The following NDC1 variants were observed in gnomAD, a reference collection of about 807,000 sequenced individuals.
NDC1 encodes NDC1 transmembrane nucleoporin, also known as nucleoporin NDC1.
In NDC1, 24 loss-of-function variants were observed where a neutral mutation model predicts 89.8. That is an observed-to-expected ratio of 0.27 (90% CI 0.19 to 0.38). The LOEUF (loss-of-function observed/expected upper bound fraction) is 0.38, where lower values mean the gene tolerates loss of function less well. NDC1 is among the 10% of genes least tolerant of loss of function. The pLI, the probability that NDC1 is intolerant of heterozygous loss-of-function variation, is 1.00. For synonymous variants in NDC1, 296 were observed against 284.8 expected, an observed-to-expected ratio of 1.04 and a Z score of -0.39; for missense variants, 728 against 797.6, an observed-to-expected ratio of 0.91 and a Z score of 1.05.
At chr1:53,780,207 G>C (rs1235040786) in intron 16 of NDC1, among the ~76,000 whole-genome samples, 5 of 152,086 alleles carry the variant, frequency 3.3e-5, no homozygotes, top group African/African-American at 1.2e-4. Flanking sequence ...CGAGTAGCTG[G>C]GATTACAAGC....
At chr1:53,803,187 C>T (rs1017293976) in intron 10 of NDC1, among the ~76,000 whole-genome samples, 20 of 152,034 alleles carry the variant, frequency 1.3e-4, no homozygotes, top group African/African-American at 4.8e-4. Flanking sequence ...CAGCTCAGCT[C>T]CTCAAGTAGC....
intron 1 of NDC1, among the ~76,000 whole-genome samples, 175 bp downstream of exon 1, chr1:53,838,030 T>C (rs1649296232): frequency 6.6e-6 from 1 of 152,142 alleles, no homozygotes; most frequent in Admixed American, 6.5e-5. Flanking sequence ...GTAACCAACT[T>C]CCACTCAGGA....
intron 6 of NDC1, 41 bp from the exon 7 acceptor site, chr1:53,809,787 T>C: frequency 6.5e-7 from 1 of 1,532,460 alleles, no homozygotes. Context: ...TAAAAAGTTA[T>C]AAAACAAGTT....
intron 16 of NDC1, among the ~76,000 whole-genome samples, chr1:53,782,887 G>C (rs1187610943): frequency 6.6e-6 from 1 of 152,144 alleles, no homozygotes; most frequent in African/African-American, 2.4e-5. Flanking sequence ...CTCACTGACA[G>C]ATCTTGTTAT....
intron 6 of NDC1, 76 bp from the exon 7 acceptor site, chr1:53,809,822 T>G (rs1648244457): frequency 1.9e-6 from 2 of 1,075,016 alleles, no homozygotes; most frequent in South Asian, 2.6e-5. Flanking sequence ...GAATATAAGG[T>G]CAATGACATG....
chr1:53,826,185 T>C (rs779437396), intron 4 of NDC1, among the ~76,000 whole-genome samples: 31 of 152,220 alleles, frequency 2.0e-4, no homozygotes, highest in Non-Finnish European at 1.3e-4. Flanking sequence ...ATTAAGTATA[T>C]CTACCATAAT....
rs749035140 is a variant in NDC1, at chr1:53,828,173, A to G, written c.281T>C (p.Val94Ala). 1.9e-5 allele frequency: 30 copies of G among 1,613,680 alleles called. No homozygotes were observed. The highest frequency in any genetic ancestry group is 2.5e-5 in the Non-Finnish European group (29 of 1,179,786). The part of the protein sequence containing the change: ...ISIFNVEFYA[V>A]VPSIPCSRLA... ...TCTGGAGCAAGGAATAGAAGGCACAACTGCAAAGGAAACACATTACTGTGG... is the reference window on the plus strand; with the variant it reads ...TCTGGAGCAAGGAATAGAAGGCACAGCTGCAAAGGAAACACATTACTGTGG... Residue 94 changes from valine (V) to alanine (A), a missense_variant and splice_region_variant, in exon 4 of 18, where the codon GTT becomes GCT. By Grantham distance (64) the Val-to-Ala change is moderately conservative. Transcript: ENST00000371429.
Position 53,793,315 on chromosome 1 carries a change from C to T in NDC1, c.1585-36G>A, listed in dbSNP as rs758783900. On this transcript the variant is annotated intron_variant, in intron 13 of 17. Coordinates refer to ENST00000371429, the MANE Select transcript of NDC1 (RefSeq NM_018087.5). ...AAAAAGGAAGAATTAACACATTTAC[C>T]TTTTAAATTCTATTCAAATATAACA... 8 of 1,488,286 alleles carry T rather than the reference C, an allele frequency of 5.4e-6. No homozygotes were observed. The East Asian group carries it at 1.8e-4, about 34-fold the overall frequency. 92.2% of individuals were successfully genotyped at this position (1,488,286 alleles called of 1,614,324 possible). A position where few individuals can be genotyped will look rare whatever the true frequency, so the allele number is the denominator to read the frequency against.
chr1:53,822,490 T>C (rs924631615), intron 5 of NDC1, among the ~76,000 whole-genome samples: 1 of 151,970 alleles, frequency 6.6e-6, no homozygotes, highest in Non-Finnish European at 1.5e-5. Flanking sequence ...GAAGAATATA[T>C]ACTAAACTGG....
chr1:53,804,874 T>C (rs13374028), intron 9 of NDC1, among the ~76,000 whole-genome samples: 162 of 152,220 alleles, frequency 1.1e-3, no homozygotes, highest in African/African-American at 3.8e-3. Context: ...TGAAGTTTTC[T>C]TGCATTGGTC....
intron 6 of NDC1, among the ~76,000 whole-genome samples, chr1:53,817,992 T>C (rs1436109930): frequency 6.6e-6 from 1 of 152,196 alleles, no homozygotes; most frequent in Non-Finnish European, 1.5e-5. Flanking sequence ...ACCAACAAAA[T>C]ATTTACATTG....
intron 5 of NDC1, among the ~76,000 whole-genome samples, chr1:53,820,162 G>A (rs575078726): frequency 6.6e-6 from 1 of 151,860 alleles, no homozygotes; most frequent in Non-Finnish European, 1.5e-5. Flanking sequence ...GGTTGACGCA[G>A]GAGAATCACT....
In NDC1 at chr1:53,766,300, C is replaced by T. The variant is rs1647065549; in HGVS notation, c.*1670G>A. The stretch of plus-strand genomic sequence containing the variant: ...TAATGGAAGCAGAAGATTCAGAGTC[C>T]TTGTCTCCCAAAATGCCTCAGCCAG... On this transcript the variant is annotated 3_prime_UTR_variant, in exon 18 of 18. Coordinates refer to ENST00000371429, the MANE Select transcript of NDC1 (RefSeq NM_018087.5). 3 of 152,074 alleles carry T rather than the reference C, an allele frequency of 2.0e-5. No individual in the cohort carries two copies. In the South Asian group the frequency reaches 6.2e-4, roughly 32 times the overall value. The allele number at this position is 152,074 out of a possible 1,614,324, so 9.4% of individuals were successfully genotyped here.
Position 53,787,268 on chromosome 1 carries a change from A to G in NDC1, c.1700-10T>C. ...ACTAAGTGCGACAGACCTCAAGGGAAAAAAAAAAAAGGTTAAAAGTCAATC... is the reference window on the plus strand; with the variant it reads ...ACTAAGTGCGACAGACCTCAAGGGAGAAAAAAAAAAGGTTAAAAGTCAATC... On this transcript the variant is annotated splice_polypyrimidine_tract_variant and intron_variant, in intron 15 of 17. Coordinates refer to ENST00000371429, the MANE Select transcript of NDC1 (RefSeq NM_018087.5). 3.1e-6 allele frequency: 4 copies of G among 1,304,014 alleles called. No individual in the cohort carries two copies. The highest frequency in any genetic ancestry group is 1.0e-6 in the Non-Finnish European group (1 of 962,164). The allele number at this position is 1,304,014 out of a possible 1,614,324, so 80.8% of individuals were successfully genotyped here. A position where few individuals can be genotyped will look rare whatever the true frequency, so the allele number is the denominator to read the frequency against.
At position 53,814,818 on chromosome 1, in the gene NDC1, T is replaced by A. The variant is rs576297054; in HGVS notation, c.703+4153A>T. Reference sequence around the variant, plus strand: ...TATGAAAGATTGTTCACAACTACTATGAACAACACCTTTACGCACATAAAC... The same window carrying A: ...TATGAAAGATTGTTCACAACTACTAAGAACAACACCTTTACGCACATAAAC... On this transcript the variant is annotated intron_variant, in intron 6 of 17. Coordinates refer to ENST00000371429, the MANE Select transcript of NDC1 (RefSeq NM_018087.5). Among the ~76,000 whole-genome samples the A allele has an allele frequency of 1.3e-4, 20 of 152,266 alleles. No individual in the cohort carries two copies. The South Asian group carries it at 3.9e-3, about 30-fold the overall frequency.
rs1647077617 is a variant in NDC1, at chr1:53,767,703, T to C, written c.*267A>G. The C allele has an allele frequency of 3.3e-6, 1 of 298,628 alleles. No homozygotes were observed. 18.5% of individuals were successfully genotyped at this position (298,628 alleles called of 1,614,324 possible). A position where few individuals can be genotyped will look rare whatever the true frequency, so the allele number is the denominator to read the frequency against. On this transcript the variant is annotated 3_prime_UTR_variant, in exon 18 of 18. Transcript: ENST00000371429. ...TTATATGAGCTAGAGACATTTCGAC[T>C]GCCATCAATGCTTCTGTAAAATTGA...
chr1:53,800,332 CT>C lies in NDC1; in HGVS notation c.1222+360del, dbSNP rs1158363485. Reference sequence around the variant, plus strand: ...GTATCCTTCAATTAACTACAGTCATCTTTTTTTTTTTTTTTTTTTTTTTTGA... The same window carrying C: ...GTATCCTTCAATTAACTACAGTCATCTTTTTTTTTTTTTTTTTTTTTTTGA... On this transcript the variant is annotated intron_variant, in intron 11 of 17. Transcript: ENST00000371429. Among the ~76,000 whole-genome samples, 626 of 80,634 alleles carry C rather than the reference CT, an allele frequency of 7.8e-3. 2 individuals are homozygous for C. Among genetic ancestry groups the C allele is most frequent in the Admixed American group, 0.043 (236 of 5,542 alleles). 52.9% of individuals were successfully genotyped at this position (80,634 alleles called of 152,430 possible). A position where few individuals can be genotyped will look rare whatever the true frequency, so the allele number is the denominator to read the frequency against.
intron 6 of NDC1, among the ~76,000 whole-genome samples, chr1:53,812,085 G>A (rs896239368): frequency 1.3e-5 from 2 of 152,172 alleles, no homozygotes; most frequent in South Asian, 4.1e-4. Flanking sequence ...GGAACACCTC[G>A]TGGGACAAAA....
In NDC1 at chr1:53,792,423, T is replaced by G. The variant is rs189524378; in HGVS notation, c.1635+806A>C. On this transcript the variant is annotated intron_variant, in intron 14 of 17. Coordinates refer to ENST00000371429, the MANE Select transcript of NDC1 (RefSeq NM_018087.5). ...TAGTGGAAAAGCAGTTTCAAGCCCC[T>G]GAAATGACTGTTATGCGTTATCTAT... 2.0e-5 allele frequency among the ~76,000 whole-genome samples: 3 copies of G among 152,332 alleles called. No homozygotes were observed. The East Asian group carries it at 5.8e-4, about 29-fold the overall frequency.
Sources: gnomAD v4.1 joint callset for allele counts (sites outside exome capture counted in the v4.1 genomes callset) on GRCh38, gnomAD v4.1.1 for gene constraint, MANE v1.5 for transcripts, NCBI Gene and HGNC (gene_info 2026-07-23, HGNC 2026-07-21) for gene names.